SHISA9: variants seen among roughly 807,000 people sequenced by gnomAD.
The protein encoded by SHISA9 is protein shisa-9.
Under a neutral mutation model 38.0 loss-of-function variants are expected in SHISA9, and 13 were observed. That is an observed-to-expected ratio of 0.34 (90% CI 0.22 to 0.54). The LOEUF is 0.54. Among genes scored for constraint, SHISA9 ranks in the 20% least tolerant of loss-of-function variants. SHISA9 has a pLI of 0.91. For missense variants in SHISA9, 538 were observed against 575.8 expected, an observed-to-expected ratio of 0.93 and a Z score of 0.67; for synonymous variants, 275 against 242.0, an observed-to-expected ratio of 1.14 and a Z score of -1.27.
At chr16:12,908,139 C>T (rs13332101) in intron 1 of SHISA9, among the ~76,000 whole-genome samples, 1,259 of 27,790 alleles carry the variant, frequency 0.045, 18 homozygotes, top group African/African-American at 0.086. Context: ...ACAACTATTA[C>T]CCTTTTATCA....
chr16:13,379,443 G>A, the SHISA9 span, among the ~76,000 whole-genome samples: 5 of 152,222 alleles, frequency 3.3e-5, no homozygotes, highest in East Asian at 5.8e-4. Context: ...GCAACTCCCA[G>A]GTCCCCCCGC....
At chr16:13,263,266 G>C in the SHISA9 span, among the ~76,000 whole-genome samples, 6 of 152,280 alleles carry the variant, frequency 3.9e-5, no homozygotes, top group African/African-American at 1.4e-4. Flanking sequence ...TCTATTGTCA[G>C]TGATATGGTT....
At chr16:12,987,818 C>G (rs978247173) in intron 2 of SHISA9, among the ~76,000 whole-genome samples, 1 of 152,128 alleles carries the variant, frequency 6.6e-6, no homozygotes, top group Non-Finnish European at 1.5e-5. Context: ...CTACCAGGCA[C>G]GATGCTAAAC....
intron 2 of SHISA9, among the ~76,000 whole-genome samples, chr16:13,083,118 A>T (rs549419336): frequency 2.8e-4 from 43 of 152,282 alleles, no homozygotes; most frequent in African/African-American, 9.1e-4. Flanking sequence ...GGGGCAGCCA[A>T]CAGTGGGGTC....
intron 2 of SHISA9, among the ~76,000 whole-genome samples, chr16:13,132,063 A>G (rs898804548): frequency 6.6e-6 from 1 of 152,220 alleles, no homozygotes; most frequent in Admixed American, 6.5e-5. Context: ...AGCACAGGAC[A>G]ATGTGTCTGT....
At chr16:12,914,009 C>T (rs981553170) in intron 1 of SHISA9, among the ~76,000 whole-genome samples, 5 of 151,452 alleles carry the variant, frequency 3.3e-5, no homozygotes, top group Non-Finnish European at 7.4e-5. Flanking sequence ...ATTTGATTTG[C>T]AGCCCTCGTT....
chr16:13,299,575 G>A, the SHISA9 span, among the ~76,000 whole-genome samples: 1 of 152,070 alleles, frequency 6.6e-6, no homozygotes, highest in African/African-American at 2.4e-5. Context: ...TTAGCCGGGT[G>A]TGGTAGTATA....
intron 2 of SHISA9, among the ~76,000 whole-genome samples, chr16:13,030,224 T>G (rs2072974313): frequency 6.6e-6 from 1 of 152,184 alleles, no homozygotes; most frequent in Admixed American, 6.5e-5. Flanking sequence ...TGGAATCCTA[T>G]TGCAAGAACC....
chr16:13,003,869 A>ATT (rs1567178407), intron 2 of SHISA9, among the ~76,000 whole-genome samples: 1 of 102,076 alleles, frequency 9.8e-6, no homozygotes, highest in African/African-American at 6.2e-5. Flanking sequence ...AAATAATAAT[A>ATT]ATAATAATAA....
chr16:12,905,095 G>C (rs909900872), intron 1 of SHISA9, among the ~76,000 whole-genome samples: 1 of 152,166 alleles, frequency 6.6e-6, no homozygotes, highest in Admixed American at 6.5e-5. Flanking sequence ...ACTAATGCCT[G>C]CTGAGCACTG....
chr16:12,918,118 G>T (rs570227156), intron 2 of SHISA9, among the ~76,000 whole-genome samples: 1 of 152,128 alleles, frequency 6.6e-6, no homozygotes. Flanking sequence ...GATCACAAAA[G>T]GGTATGAGAA....
At chr16:12,931,823 A>G (rs2071465114) in intron 2 of SHISA9, among the ~76,000 whole-genome samples, 1 of 152,198 alleles carries the variant, frequency 6.6e-6, no homozygotes, top group South Asian at 2.1e-4. Context: ...CAAGTACTGT[A>G]TGTGAAACAC....
chr16:12,946,593 C>G (rs1369016802), intron 2 of SHISA9, among the ~76,000 whole-genome samples: 2 of 152,206 alleles, frequency 1.3e-5, no homozygotes, highest in Admixed American at 1.3e-4. Flanking sequence ...TGGATTGTAA[C>G]ACCAAGTTGG....
At chr16:13,041,337 A>G (rs927997132) in intron 2 of SHISA9, among the ~76,000 whole-genome samples, 2 of 151,474 alleles carry the variant, frequency 1.3e-5, no homozygotes, top group African/African-American at 4.9e-5. Flanking sequence ...CAGGCTTAGG[A>G]CTCCTGCTGT....
At chr16:13,209,674 C>G (rs143950269) in intron 3 of SHISA9, among the ~76,000 whole-genome samples, 1 of 152,118 alleles carries the variant, frequency 6.6e-6, no homozygotes, top group South Asian at 2.1e-4. Context: ...TGTTATAGAC[C>G]GAGCCAAAAA....
the SHISA9 span, among the ~76,000 whole-genome samples, chr16:13,271,524 A>C: frequency 2.0e-5 from 3 of 152,188 alleles, no homozygotes; most frequent in Admixed American, 2.0e-4. Context: ...AAAACATTCT[A>C]TATCCCTACC....
the SHISA9 span, among the ~76,000 whole-genome samples, chr16:13,266,515 G>T: frequency 1.1e-3 from 160 of 152,246 alleles, 1 homozygote; most frequent in African/African-American, 3.7e-3. Context: ...GGGCAATGTT[G>T]GTTCAAGCAT....
chr16:13,480,686 A>C, the SHISA9 span, among the ~76,000 whole-genome samples: 1 of 152,280 alleles, frequency 6.6e-6, no homozygotes, highest in African/African-American at 2.4e-5. Context: ...CCTCTCATCC[A>C]AGCTGCTTTG....
chr16:12,908,378 T>A, intron 1 of SHISA9: 11 of 1,507,618 alleles, frequency 7.3e-6, no homozygotes, highest in Non-Finnish European at 9.8e-6. Context: ...TGCAAAGTGT[T>A]GGCCTAAGTG....
Sources: gnomAD v4.1 joint callset for allele counts (sites outside exome capture counted in the v4.1 genomes callset) on GRCh38, gnomAD v4.1.1 for gene constraint, MANE v1.5 for transcripts, NCBI Gene and HGNC (gene_info 2026-07-23, HGNC 2026-07-21) for gene names.